Variants in NME7 observed in about 807,000 individuals in gnomAD.
NME7 encodes the protein NME/NM23 family member 7.
In NME7, 41 loss-of-function variants were observed where a neutral mutation model predicts 49.1. The ratio of observed to expected loss-of-function variants is 0.83; its 90% confidence interval spans 0.65 to 1.08. The LOEUF is 1.08. Among genes scored for constraint, NME7 ranks in the 50% least tolerant of loss-of-function variants. The pLI is 0.00. For missense variants in NME7, 423 were observed against 463.4 expected (o/e 0.91, Z 0.80); for synonymous variants, 139 against 150.6 (o/e 0.92, Z 0.56).
intron 7 of NME7, among the ~76,000 whole-genome samples, chr1:169,263,598 G>C (rs1649229369): frequency 7.5e-6 from 1 of 133,436 alleles, no homozygotes; most frequent in Admixed American, 7.4e-5. Flanking sequence ...GAGAAATATG[G>C]AATTATGTAA....
At chr1:169,240,376 C>A (rs1175055808) in intron 7 of NME7, among the ~76,000 whole-genome samples, 1 of 151,884 alleles carries the variant, frequency 6.6e-6, no homozygotes, top group East Asian at 1.9e-4. Context: ...TGGACTCTCA[C>A]ATTTACTTCA....
intron 1 of NME7, among the ~76,000 whole-genome samples, chr1:169,362,090 C>A (rs1189627725): frequency 6.6e-6 from 1 of 152,032 alleles, no homozygotes; most frequent in African/African-American, 2.4e-5. Flanking sequence ...TGCCTGTAAT[C>A]CAAGTTACTC....
chr1:169,139,288 G>C (rs1045317206), intron 11 of NME7, among the ~76,000 whole-genome samples: 1 of 152,128 alleles, frequency 6.6e-6, no homozygotes, highest in Non-Finnish European at 1.5e-5. Flanking sequence ...ACAGATTATT[G>C]TGTGTAATCC....
intron 7 of NME7, among the ~76,000 whole-genome samples, chr1:169,254,846 T>C (rs1648840797): frequency 7.7e-6 from 1 of 130,490 alleles, no homozygotes. Flanking sequence ...AGGAGCAGGT[T>C]GTTCAGTTTC....
intron 10 of NME7, among the ~76,000 whole-genome samples, chr1:169,177,115 T>C (rs1659776762): frequency 6.6e-6 from 1 of 152,142 alleles, no homozygotes; most frequent in Admixed American, 6.5e-5. Flanking sequence ...ACATAATTAC[T>C]ATCCAGTCTT....
chr1:169,359,020 A>C (rs185330012), intron 1 of NME7, among the ~76,000 whole-genome samples: 6 of 152,274 alleles, frequency 3.9e-5, no homozygotes, highest in African/African-American at 1.4e-4. Context: ...GTTAAATCAG[A>C]GTAAATGAAA....
intron 10 of NME7, among the ~76,000 whole-genome samples, chr1:169,205,812 T>G (rs779864491): frequency 6.6e-6 from 1 of 152,156 alleles, no homozygotes. Context: ...AAAGCTAAAG[T>G]ATTTTCAGCA....
chr1:169,217,117 AC>A (rs1297136822), intron 10 of NME7, among the ~76,000 whole-genome samples: 2 of 152,208 alleles, frequency 1.3e-5, no homozygotes, highest in Non-Finnish European at 2.9e-5. Flanking sequence ...AAAATAATAA[AC>A]CAGAGAGAAA....
intron 11 of NME7, among the ~76,000 whole-genome samples, chr1:169,165,769 T>A (rs775054935): frequency 6.6e-6 from 1 of 152,196 alleles, no homozygotes; most frequent in Non-Finnish European, 1.5e-5. Flanking sequence ...CAAATAATAA[T>A]CTGAAAGTAG....
chr1:169,314,384 T>G (rs1038611844), intron 3 of NME7, among the ~76,000 whole-genome samples: 3 of 152,080 alleles, frequency 2.0e-5, no homozygotes, highest in Non-Finnish European at 4.4e-5. Flanking sequence ...TAATTAGATT[T>G]AAGCTTTATC....
At chr1:169,336,930 C>A (rs969716002) in intron 1 of NME7, among the ~76,000 whole-genome samples, 18 of 152,180 alleles carry the variant, frequency 1.2e-4, no homozygotes, top group South Asian at 2.1e-4. Flanking sequence ...ATACAGAGTG[C>A]CGATTGGTGT....
At chr1:169,306,338 T>C (rs1194062887) in intron 4 of NME7, among the ~76,000 whole-genome samples, 1 of 152,096 alleles carries the variant, frequency 6.6e-6, no homozygotes, top group Non-Finnish European at 1.5e-5. Flanking sequence ...AATAAGAAAA[T>C]GGCATGGAGC....
At chr1:169,140,559 G>C (rs1468755909) in intron 11 of NME7, among the ~76,000 whole-genome samples, 1 of 151,952 alleles carries the variant, frequency 6.6e-6, no homozygotes, top group African/African-American at 2.4e-5. Context: ...GCCCAGGATG[G>C]GCTCTGCTAC....
At chr1:169,164,575 G>T (rs905419824) in intron 11 of NME7, among the ~76,000 whole-genome samples, 9 of 152,122 alleles carry the variant, frequency 5.9e-5, no homozygotes, top group African/African-American at 2.2e-4. Flanking sequence ...TTTTGACTTG[G>T]CTACACCACT....
Position 169,361,649 on chromosome 1 carries a change from A to C in NME7, c.3+6059T>G, listed in dbSNP as rs566500359. Among the ~76,000 whole-genome samples, 467 of 152,136 alleles carry C rather than the reference A, an allele frequency of 3.1e-3. 1 individual carries two copies. The highest frequency in any genetic ancestry group is 4.3e-3 in the Non-Finnish European group (291 of 68,004). ...ACAAAAGTTAGCCAGGCGTGGTGGC[A>C]TGCGCCAGTAGTCCCAGCTACTCGG... On this transcript the variant is annotated intron_variant, in intron 1 of 11. Transcript: ENST00000367811.
intron 10 of NME7, among the ~76,000 whole-genome samples, chr1:169,215,109 C>G (rs1258389840): frequency 1.3e-5 from 2 of 152,160 alleles, no homozygotes; most frequent in Admixed American, 6.5e-5. Context: ...AAGTAGCTCT[C>G]AGTGGAAAGG....
chr1:169,239,436 G>A (rs577364378), intron 7 of NME7, among the ~76,000 whole-genome samples: 1 of 151,908 alleles, frequency 6.6e-6, no homozygotes, highest in Non-Finnish European at 1.5e-5. Flanking sequence ...GAATCCAAGT[G>A]AATGGAAGAA....
At chr1:169,146,857 T>C (rs932122399) in intron 11 of NME7, among the ~76,000 whole-genome samples, 1 of 152,176 alleles carries the variant, frequency 6.6e-6, no homozygotes, top group Non-Finnish European at 1.5e-5. Flanking sequence ...TTAACAGAAG[T>C]ATGTATAAGG....
intron 5 of NME7, among the ~76,000 whole-genome samples, chr1:169,300,393 C>A (rs1192916007): frequency 1.3e-5 from 2 of 151,736 alleles, no homozygotes; most frequent in Admixed American, 1.3e-4. Context: ...TTTTAAAAAC[C>A]CACTACTCAG....
Sources: gnomAD v4.1 joint callset for allele counts (sites outside exome capture counted in the v4.1 genomes callset) on GRCh38, gnomAD v4.1.1 for gene constraint, MANE v1.5 for transcripts, NCBI Gene and HGNC (gene_info 2026-07-23, HGNC 2026-07-21) for gene names.